The following MACROD1 variants were observed in gnomAD, a reference collection of about 807,000 sequenced individuals.
MACROD1 encodes the protein ADP-ribose glycohydrolase MACROD1.
In MACROD1, 31 loss-of-function variants were observed where a neutral mutation model predicts 41.4. The observed-to-expected ratio is 0.75, with a 90% CI of 0.56 to 1.01. The LOEUF (loss-of-function observed/expected upper bound fraction) is 1.01, where lower values mean the gene tolerates loss of function less well. Among genes scored for constraint, MACROD1 ranks in the 50% least tolerant of loss-of-function variants. The pLI, the probability that MACROD1 is intolerant of heterozygous loss-of-function variation, is 0.00. For synonymous variants in MACROD1, 252 were observed against 203.4 expected (o/e 1.24, Z -2.03); for missense variants, 473 against 460.0 (o/e 1.03, Z -0.26).
At chr11:64,165,646 G>A in intron 1 of MACROD1, 51 bp downstream of exon 1, 1 of 1,327,492 alleles carries the variant, frequency 7.5e-7, no homozygotes. Flanking sequence ...CAGCCGGGAA[G>A]CTCCACGTGA....
chr11:64,149,287 A>G (rs780611984), intron 3 of MACROD1, among the ~76,000 whole-genome samples: 7 of 152,104 alleles, frequency 4.6e-5, no homozygotes, highest in Non-Finnish European at 1.0e-4. Flanking sequence ...TGCCCCCAGT[A>G]ACCTGACGGG....
At position 64,067,353 on chromosome 11, in the gene MACROD1, C is replaced by T. The variant is rs536941520; in HGVS notation, c.518-52072G>A. Among the ~76,000 whole-genome samples the T allele has an allele frequency of 1.3e-5, 2 of 152,250 alleles. No homozygotes were observed. Among genetic ancestry groups the T allele is most frequent in the African/African-American group, 2.4e-5 (1 of 41,548 alleles). On this transcript the variant is annotated intron_variant, in intron 3 of 10. Coordinates refer to ENST00000255681, the MANE Select transcript of MACROD1 (RefSeq NM_014067.4). This position sits in a 1 kb window ranked among gnomAD's most constrained non-coding sequence, Gnocchi z 4.6. The stretch of plus-strand genomic sequence containing the variant: ...GGATGGTGAGGGGGGAATCCATTAT[C>T]GGGCAAAATAGCAGCTGCTGACGTG...
chr11:64,114,490 T>C (rs1944936156), intron 3 of MACROD1, among the ~76,000 whole-genome samples: 1 of 150,092 alleles, frequency 6.7e-6, no homozygotes, highest in Admixed American at 6.6e-5. Flanking sequence ...GATGGTTGAA[T>C]GGATGGATGG....
intron 3 of MACROD1, among the ~76,000 whole-genome samples, chr11:64,030,292 T>C (rs538150180): frequency 2.0e-4 from 30 of 152,294 alleles, no homozygotes; most frequent in Non-Finnish European, 3.5e-4. Flanking sequence ...GAATCATGGT[T>C]GGCCTTGGGA....
At chr11:64,114,488 A>G (rs1455344872) in intron 3 of MACROD1, among the ~76,000 whole-genome samples, 38 of 92,172 alleles carry the variant, frequency 4.1e-4, no homozygotes, top group East Asian at 1.2e-3. Flanking sequence ...GGGATGGTTG[A>G]ATGGATGGAT....
chr11:64,156,825 G>C (rs1253065315), intron 1 of MACROD1, among the ~76,000 whole-genome samples: 4 of 152,148 alleles, frequency 2.6e-5, no homozygotes, highest in Non-Finnish European at 5.9e-5. Context: ...CTAGTCTATG[G>C]ACCCAAGTGC....
chr11:64,031,292 T>C (rs1654228486), intron 3 of MACROD1, among the ~76,000 whole-genome samples: 1 of 152,034 alleles, frequency 6.6e-6, no homozygotes, highest in Non-Finnish European at 1.5e-5. Context: ...GGGCTGGAGG[T>C]CTTGCTCTCT....
intron 3 of MACROD1, among the ~76,000 whole-genome samples, chr11:64,130,493 G>A (rs1032671024): frequency 2.6e-5 from 4 of 151,974 alleles, no homozygotes; most frequent in South Asian, 2.1e-4. Flanking sequence ...AAGAGGCGTC[G>A]GAACCTGGGA....
intron 3 of MACROD1, among the ~76,000 whole-genome samples, chr11:64,024,393 G>T (rs990704734): frequency 4.6e-5 from 7 of 152,212 alleles, no homozygotes; most frequent in African/African-American, 1.4e-4. Flanking sequence ...CCACTTTACA[G>T]ATGAGAAAAT....
chr11:64,029,123 G>A (rs1010298769), intron 3 of MACROD1, among the ~76,000 whole-genome samples: 16 of 152,254 alleles, frequency 1.1e-4, no homozygotes, highest in African/African-American at 3.6e-4. Flanking sequence ...GACAACCCAA[G>A]GGGAAGGGCG....
chr11:64,073,223 G>A (rs777671088), intron 3 of MACROD1, among the ~76,000 whole-genome samples: 66 of 152,188 alleles, frequency 4.3e-4, no homozygotes, highest in Admixed American at 2.9e-3. Context: ...TCCGGCCATC[G>A]GTTTCTTCAG....
intron 3 of MACROD1, among the ~76,000 whole-genome samples, chr11:64,025,716 C>CG (rs1943215659): frequency 7.2e-6 from 1 of 139,128 alleles, no homozygotes; most frequent in Non-Finnish European, 1.5e-5. Flanking sequence ...GGGCCCCCCC[C>CG]GCTCCTTTTT....
chr11:64,073,865 T>C (rs912024020), intron 3 of MACROD1, among the ~76,000 whole-genome samples: 2 of 151,908 alleles, frequency 1.3e-5, no homozygotes, highest in African/African-American at 2.4e-5. Context: ...AGAGATGCAG[T>C]TGGGGACCCG....
At chr11:64,003,833 C>T (rs1490790150) in intron 4 of MACROD1, among the ~76,000 whole-genome samples, 4 of 152,178 alleles carry the variant, frequency 2.6e-5, no homozygotes, top group African/African-American at 9.7e-5. Flanking sequence ...GGCAGTGTCT[C>T]CCCACATCAG....
intron 3 of MACROD1, chr11:64,081,828 C>T (rs1944309441): frequency 6.6e-6 from 1 of 152,180 alleles, no homozygotes; most frequent in South Asian, 2.1e-4. Flanking sequence ...GGTCCGTTCT[C>T]CCCAATTCAC....
At chr11:64,092,039 C>A (rs528741326) in intron 3 of MACROD1, among the ~76,000 whole-genome samples, 1 of 152,266 alleles carries the variant, frequency 6.6e-6, no homozygotes, top group Non-Finnish European at 1.5e-5. Context: ...CCTGAGGGTC[C>A]CAAAAAACAA....
chr11:64,024,203 G>A (rs1324857351), intron 3 of MACROD1, among the ~76,000 whole-genome samples: 1 of 152,204 alleles, frequency 6.6e-6, no homozygotes, highest in Non-Finnish European at 1.5e-5. Context: ...GCGCAGACTC[G>A]GCTCGCCCCA....
At chr11:64,069,769 A>G (rs1944072916) in intron 3 of MACROD1, among the ~76,000 whole-genome samples, 1 of 152,026 alleles carries the variant, frequency 6.6e-6, no homozygotes, top group Non-Finnish European at 1.5e-5. Flanking sequence ...TCGCCAGGAA[A>G]CCTCCGCACG....
chr11:64,141,864 A>G (rs1297351626), intron 3 of MACROD1, among the ~76,000 whole-genome samples: 1 of 152,126 alleles, frequency 6.6e-6, no homozygotes, highest in African/African-American at 2.4e-5. Flanking sequence ...CGAGGGGGAG[A>G]AAAGGCCCTT....
Sources: allele counts gnomAD v4.1 joint callset (sites outside exome capture counted in the v4.1 genomes callset), GRCh38; gene constraint gnomAD v4.1.1; non-coding constraint Gnocchi (gnomAD v3.1); transcripts MANE v1.5; gene names NCBI Gene and HGNC (gene_info 2026-07-23, HGNC 2026-07-21).